TEKT1: variants seen among roughly 807,000 people sequenced by gnomAD.
TEKT1 encodes tektin-1.
A neutral mutation model predicts 34.8 loss-of-function variants in TEKT1; 32 were observed. That is an observed-to-expected ratio of 0.92 (90% CI 0.69 to 1.23). TEKT1 has a LOEUF of 1.23. Ranked by LOEUF, TEKT1 falls within the 50% of genes most tolerant of loss-of-function variation. The pLI, the probability that TEKT1 is intolerant of heterozygous loss-of-function variation, is 0.00. For synonymous variants in TEKT1, 207 were observed against 199.8 expected (o/e 1.04, Z -0.30); for missense variants, 492 against 518.5 (o/e 0.95, Z 0.50).
At chr17:6,818,164 T>C (rs1977033264) in intron 3 of TEKT1, among the ~76,000 whole-genome samples, 1 of 152,312 alleles carries the variant, frequency 6.6e-6, no homozygotes, top group African/African-American at 2.4e-5. Flanking sequence ...CCTATCATGA[T>C]GAACCTTGGT....
In TEKT1 at chr17:6,806,605, C is replaced by A. The variant is rs183418545; in HGVS notation, c.853-5662G>T. Among the ~76,000 whole-genome samples the A allele has an allele frequency of 1.1e-4, 17 of 152,304 alleles. No homozygotes were observed. In the East Asian group the frequency reaches 3.3e-3, roughly 29 times the overall value. On this transcript the variant is annotated intron_variant, in intron 6 of 7. Transcript: ENST00000338694. Reference sequence around the variant, plus strand: ...TGGCATGTTTTTGCAGCGGCTGGTACCAGTTGTTCCTTTCCATGTTTAGTG... The same window carrying A: ...TGGCATGTTTTTGCAGCGGCTGGTAACAGTTGTTCCTTTCCATGTTTAGTG...
At chr17:6,802,926 C>A (rs567605135) in intron 6 of TEKT1, among the ~76,000 whole-genome samples, 167 of 152,256 alleles carry the variant, frequency 1.1e-3, no homozygotes, top group African/African-American at 3.8e-3. Context: ...CATACGTGTG[C>A]ATGTGTCCTT....
chr17:6,829,392 T>C (rs751033969), intron 2 of TEKT1, among the ~76,000 whole-genome samples: 5 of 152,190 alleles, frequency 3.3e-5, no homozygotes, highest in Non-Finnish European at 2.9e-5. Flanking sequence ...AAGTCTTTTA[T>C]ACAAAATGGT....
chr17:6,806,094 G>A (rs1156572136), intron 6 of TEKT1, among the ~76,000 whole-genome samples: 3 of 152,114 alleles, frequency 2.0e-5, no homozygotes, highest in Admixed American at 6.5e-5. Flanking sequence ...ATTATTGTGT[G>A]GGAGTCTAAG....
chr17:6,803,750 G>A (rs1056175869), intron 6 of TEKT1, among the ~76,000 whole-genome samples: 2 of 152,086 alleles, frequency 1.3e-5, no homozygotes, highest in African/African-American at 2.4e-5. Context: ...TGTCAGGTTT[G>A]TCAAAGATCA....
rs117538098 is a variant in TEKT1, at chr17:6,800,063, G to A, written c.1221C>T (p.Val407=). ...CATCAGGGCGGAGGCCCCCAGCCCA[G>A]ACCCCATGGTCTTCCCCATCCCGAA... ...IPLRDGEDHG[V]WAGGLRPDAV... is the part of the protein sequence containing the mutation. Residue 407 remains valine, a synonymous_variant, in exon 8 of 8, where the codon GTC becomes GTT. Transcript: ENST00000338694. 1.2e-6 allele frequency: 2 copies of A among 1,612,044 alleles called. No homozygotes were observed. Among genetic ancestry groups the A allele is most frequent in the Admixed American group, 3.3e-5 (2 of 60,028 alleles).
At position 6,815,325 on chromosome 17, in the gene TEKT1, C is replaced by G. The variant is rs536892664; in HGVS notation, c.486-19G>C. The G allele has an allele frequency of 3.4e-5, 55 of 1,614,198 alleles. No homozygotes were observed. In the South Asian group the frequency reaches 5.6e-4, roughly 16 times the overall value. ...GTTCATCCTGAAGGGAGAAAGTAAA[C>G]TGGGTTTCTGCCTCTGGAGTGCCCA... On this transcript the variant is annotated intron_variant, in intron 4 of 7. Transcript: ENST00000338694.
intron 6 of TEKT1, among the ~76,000 whole-genome samples, chr17:6,810,661 A>G (rs1229104478): frequency 6.6e-6 from 1 of 152,214 alleles, no homozygotes; most frequent in Non-Finnish European, 1.5e-5. Flanking sequence ...CCAGAGCACT[A>G]TAAATCACAG....
At chr17:6,823,118 A>G (rs577366634) in intron 2 of TEKT1, among the ~76,000 whole-genome samples, 1 of 152,364 alleles carries the variant, frequency 6.6e-6, no homozygotes, top group Admixed American at 6.5e-5. Flanking sequence ...CACCAAGTAG[A>G]CATTCATTGA....
chr17:6,816,865 C>G (rs1977014444), intron 3 of TEKT1, among the ~76,000 whole-genome samples: 1 of 152,144 alleles, frequency 6.6e-6, no homozygotes, highest in South Asian at 2.1e-4. Context: ...AAAAGCATTC[C>G]TATTTCTCCA....
At chr17:6,826,684 G>A (rs1475894291) in intron 2 of TEKT1, among the ~76,000 whole-genome samples, 11 of 150,800 alleles carry the variant, frequency 7.3e-5, no homozygotes, top group Non-Finnish European at 1.6e-4. Context: ...CGAGGTAGGG[G>A]TTGGGATTAT....
At chr17:6,813,083 G>T in intron 5 of TEKT1, 30 bp from the exon 6 acceptor site, 1 of 1,589,908 alleles carries the variant, frequency 6.3e-7, no homozygotes, top group Non-Finnish European at 8.6e-7. Flanking sequence ...TTCATTCACA[G>T]CATATTTGGG....
At position 6,798,659 on chromosome 17, in the gene TEKT1, T is replaced by G. The variant is rs149880636; in HGVS notation, c.*1368A>C. The G allele has an allele frequency of 6.6e-6, 1 of 152,336 alleles. No individual in the cohort carries two copies. The highest frequency in any genetic ancestry group is 1.5e-5 in the Non-Finnish European group (1 of 68,058). The allele number at this position is 152,336 out of a possible 1,614,324, so 9.4% of individuals were successfully genotyped here. On this transcript the variant is annotated 3_prime_UTR_variant, in exon 8 of 8. Transcript: ENST00000338694. ...TTTGGCCTCAAAGGGGGTTTCTCCA[T>G]CCCAGATTGGGAACATCCCTTTCTG...
intron 2 of TEKT1, among the ~76,000 whole-genome samples, chr17:6,829,462 T>A (rs953316315): frequency 1.3e-5 from 2 of 151,730 alleles, no homozygotes; most frequent in Admixed American, 6.7e-5. Flanking sequence ...CTCTTTCTTT[T>A]CTTTCTCTTT....
rs762702723 is a variant in TEKT1, at chr17:6,800,855, T to G, written c.941A>C (p.His314Pro). 1 of 1,614,192 alleles carries G rather than the reference T, an allele frequency of 6.2e-7. No homozygotes were observed. The change falls in exon 7 of 8, where the codon CAT (histidine) becomes CCT (proline). Residue 314 changes from histidine (H) to proline (P), a missense_variant. Transcript: ENST00000338694. ...GTGTGTCCTGGTCTCCAAGCGCGTATGAGCCACCTTGGCTGGCCCTTCTTG... is the reference window on the plus strand; with the variant it reads ...GTGTGTCCTGGTCTCCAAGCGCGTAGGAGCCACCTTGGCTGGCCCTTCTTG... ...LDQEGPAKVA[H>P]TRLETRTHRP...
At chr17:6,825,754 C>A (rs1904377280) in intron 2 of TEKT1, among the ~76,000 whole-genome samples, 2 of 152,144 alleles carry the variant, frequency 1.3e-5, no homozygotes, top group South Asian at 4.1e-4. Flanking sequence ...TTGTACTCAG[C>A]ATCTTACTAA....
At chr17:6,815,707 G>A (rs891317554) in intron 4 of TEKT1, 127 bp downstream of exon 4, 7 of 1,409,456 alleles carry the variant, frequency 5.0e-6, no homozygotes, top group Admixed American at 2.2e-5. Context: ...GGGCAATCTG[G>A]GGACACAAAG....
chr17:6,805,380 G>C (rs548825812), intron 6 of TEKT1, among the ~76,000 whole-genome samples: 2 of 151,706 alleles, frequency 1.3e-5, no homozygotes, highest in African/African-American at 2.4e-5. Context: ...TCTTGCTAGC[G>C]GTCTATCAAT....
At chr17:6,826,816 C>T (rs1397617109) in intron 2 of TEKT1, among the ~76,000 whole-genome samples, 1 of 151,796 alleles carries the variant, frequency 6.6e-6, no homozygotes, top group African/African-American at 2.4e-5. Flanking sequence ...CTGCCTCAGC[C>T]TCCCGAGTAG....
Sources: allele counts gnomAD v4.1 joint callset (sites outside exome capture counted in the v4.1 genomes callset), GRCh38; gene constraint gnomAD v4.1.1; transcripts MANE v1.5; gene names NCBI Gene and HGNC (gene_info 2026-07-23, HGNC 2026-07-21).